Variants in ARHGAP8 observed in about 807,000 individuals in gnomAD.
ARHGAP8 encodes the protein rho GTPase-activating protein 8.
A neutral mutation model predicts 46.1 loss-of-function variants in ARHGAP8; 62 were observed. The ratio of observed to expected loss-of-function variants is 1.34; its 90% CI spans 1.10 to 1.66. The LOEUF is 1.66. Ranked by LOEUF, ARHGAP8 falls within the 40% of genes most tolerant of loss-of-function variation. The probability of loss-of-function intolerance (pLI) is 0.00; values close to 1 mark genes in which losing one functional copy is unlikely to be tolerated. For missense variants in ARHGAP8, 923 were observed against 568.4 expected, an observed-to-expected ratio of 1.62 and a Z score of -6.34; for synonymous variants, 375 against 243.1, an observed-to-expected ratio of 1.54 and a Z score of -5.05.
chr22:44,824,299 C>T (rs1291796559), intron 6 of ARHGAP8, among the ~76,000 whole-genome samples: 2 of 152,246 alleles, frequency 1.3e-5, no homozygotes, highest in Admixed American at 1.3e-4. Flanking sequence ...TGGGGAGCCA[C>T]TTGGGGCGCA....
chr22:44,853,258 C>A (rs988738950), intron 10 of ARHGAP8, among the ~76,000 whole-genome samples: 2 of 152,128 alleles, frequency 1.3e-5, no homozygotes, highest in African/African-American at 4.8e-5. Context: ...ACTGGGTGTT[C>A]CGGTGAACTT....
intron 7 of ARHGAP8, among the ~76,000 whole-genome samples, chr22:44,836,821 A>G (rs1931318802): frequency 6.6e-6 from 1 of 151,750 alleles, no homozygotes; most frequent in Non-Finnish European, 1.5e-5. Context: ...TTATCACTGT[A>G]ATTTCAGGTT....
chr22:44,859,282 A>T (rs929410564), intron 10 of ARHGAP8, among the ~76,000 whole-genome samples: 2 of 152,082 alleles, frequency 1.3e-5, no homozygotes, highest in Non-Finnish European at 2.9e-5. Context: ...GAGGGCAGAT[A>T]CCTCATGGGT....
At chr22:44,764,744 G>T (rs1302139637) in intron 1 of ARHGAP8, among the ~76,000 whole-genome samples, 1 of 152,264 alleles carries the variant, frequency 6.6e-6, no homozygotes, top group African/African-American at 2.4e-5. Context: ...AGAAACCTGA[G>T]TGTGCGGAAA....
intron 7 of ARHGAP8, among the ~76,000 whole-genome samples, chr22:44,826,117 G>T (rs1023608621): frequency 2.6e-4 from 40 of 151,860 alleles, no homozygotes; most frequent in African/African-American, 9.4e-4. Flanking sequence ...TAGGTGTGGG[G>T]TGTGTCGTGC....
intron 10 of ARHGAP8, among the ~76,000 whole-genome samples, chr22:44,857,046 C>T (rs1176456602): frequency 7.0e-6 from 1 of 141,964 alleles, no homozygotes; most frequent in Non-Finnish European, 1.5e-5. Context: ...GTTCAAATGA[C>T]TCTGTTGCCT....
chr22:44,860,238 T>C (rs2070405320), intron 11 of ARHGAP8, among the ~76,000 whole-genome samples: 1 of 151,620 alleles, frequency 6.6e-6, no homozygotes, highest in African/African-American at 2.4e-5. Context: ...CAGAACCACG[T>C]ACATTAAGTT....
chr22:44,793,387 G>A (rs141297042), intron 2 of ARHGAP8, among the ~76,000 whole-genome samples: 1 of 152,230 alleles, frequency 6.6e-6, no homozygotes, highest in Non-Finnish European at 1.5e-5. Context: ...ACCTGGCCCT[G>A]CAGGACAACA....
At chr22:44,854,491 C>G (rs1454264464) in intron 10 of ARHGAP8, among the ~76,000 whole-genome samples, 1 of 152,042 alleles carries the variant, frequency 6.6e-6, no homozygotes, top group African/African-American at 2.4e-5. Flanking sequence ...CCTCAACCTC[C>G]TAAAGTGCTG....
rs2070463734 is a variant in ARHGAP8 at position 44,861,181 on chromosome 22, A to T, written c.982-1094A>T. Among the ~76,000 whole-genome samples the T allele has an allele frequency of 2.0e-5, 3 of 152,224 alleles. No individual in the cohort carries two copies. The South Asian group carries it at 6.2e-4, about 32-fold the overall frequency. ...GAGATGGGGTTTCGTCACATTGGCCAGGCTGATCTTGAACTCCTGACCTCA... is the reference window on the plus strand; with the variant it reads ...GAGATGGGGTTTCGTCACATTGGCCTGGCTGATCTTGAACTCCTGACCTCA... On this transcript the variant is annotated intron_variant, in intron 11 of 11. Transcript: ENST00000356099.
chr22:44,790,733 T>TC (rs140580795), intron 2 of ARHGAP8, among the ~76,000 whole-genome samples: 71,447 of 123,502 alleles, frequency 0.58, 20,940 homozygotes, highest in African/African-American at 0.65. Context: ...AACCTGGCCG[T>TC]TTTTTTTTTT....
intron 5 of ARHGAP8, 48 bp downstream of exon 5, chr22:44,814,806 C>A: frequency 6.3e-7 from 1 of 1,599,654 alleles, no homozygotes; most frequent in East Asian, 2.2e-5. Context: ...GAGGTTTCAC[C>A]CCTCAGGGTC....
chr22:44,768,896 G>A (rs543685971), intron 1 of ARHGAP8, among the ~76,000 whole-genome samples: 18 of 150,400 alleles, frequency 1.2e-4, no homozygotes, highest in South Asian at 4.2e-4. Context: ...GTGCAATGGC[G>A]CGATCTCGGC....
intron 1 of ARHGAP8, among the ~76,000 whole-genome samples, chr22:44,763,616 G>A (rs1011488744): frequency 2.6e-5 from 4 of 151,646 alleles, no homozygotes; most frequent in Admixed American, 1.3e-4. Context: ...AGATGTTAGC[G>A]ACTGAAAAGG....
At chr22:44,821,793 G>C (rs1930167040) in intron 5 of ARHGAP8, among the ~76,000 whole-genome samples, 1 of 152,142 alleles carries the variant, frequency 6.6e-6, no homozygotes, top group African/African-American at 2.4e-5. Flanking sequence ...CACAAGAGGA[G>C]GGAGAAGACG....
intron 2 of ARHGAP8, among the ~76,000 whole-genome samples, chr22:44,798,609 C>T (rs1361826987): frequency 6.6e-6 from 1 of 151,832 alleles, no homozygotes; most frequent in Admixed American, 6.6e-5. Flanking sequence ...GGCCCCACAG[C>T]CCCTTCCCTG....
At chr22:44,804,565 G>A (rs1438776589) in intron 3 of ARHGAP8, among the ~76,000 whole-genome samples, 4 of 152,164 alleles carry the variant, frequency 2.6e-5, no homozygotes, top group Admixed American at 6.5e-5. Context: ...CAGGGAGCAC[G>A]GCACCTGGCC....
chr22:44,761,362 T>G (rs132452), intron 1 of ARHGAP8, among the ~76,000 whole-genome samples: 4 of 152,136 alleles, frequency 2.6e-5, no homozygotes, highest in Non-Finnish European at 4.4e-5. Flanking sequence ...GAAAAGAAAA[T>G]AAATGGTTGT....
intron 4 of ARHGAP8, among the ~76,000 whole-genome samples, chr22:44,811,190 A>G (rs1223869616): frequency 2.6e-5 from 4 of 152,254 alleles, no homozygotes; most frequent in African/African-American, 7.2e-5. Context: ...GGGAGAAAGC[A>G]GCAGAATTCC....
Sources: gnomAD v4.1 joint callset for allele counts (sites outside exome capture counted in the v4.1 genomes callset) on GRCh38, gnomAD v4.1.1 for gene constraint, MANE v1.5 for transcripts, NCBI Gene and HGNC (gene_info 2026-07-23, HGNC 2026-07-21) for gene names.